FRMPD2: variants seen among roughly 807,000 people sequenced by gnomAD.
The protein encoded by FRMPD2 is FERM and PDZ domain-containing protein 2.
FRMPD2 carries 96 observed loss-of-function variants against 140.1 expected under a neutral mutation model. The observed-to-expected ratio is 0.69, with a 90% CI of 0.58 to 0.81. FRMPD2 has a LOEUF of 0.81. Among genes scored for constraint, FRMPD2 ranks in the 40% least tolerant of loss-of-function variants. FRMPD2 has a pLI of 0.00. For synonymous variants in FRMPD2, 449 were observed against 547.6 expected (o/e 0.82, Z 2.52); for missense variants, 1,240 against 1,447.4 (o/e 0.86, Z 2.32).
chr10:48,190,965 T>C (rs1282987973), intron 16 of FRMPD2, among the ~76,000 whole-genome samples: 1 of 152,206 alleles, frequency 6.6e-6, no homozygotes, highest in Non-Finnish European at 1.5e-5. Flanking sequence ...GTACCATTAG[T>C]TGGGTGACAA....
intron 14 of FRMPD2, 109 bp downstream of exon 14, chr10:48,206,639 T>A: frequency 1.3e-6 from 1 of 782,986 alleles, no homozygotes. Context: ...GCTGTGAGAA[T>A]GTTTGGTCAG....
At chr10:48,233,356 C>A (rs968158750) in intron 9 of FRMPD2, among the ~76,000 whole-genome samples, 1 of 152,196 alleles carries the variant, frequency 6.6e-6, no homozygotes, top group African/African-American at 2.4e-5. Flanking sequence ...ACCTGAGTCA[C>A]CTGAGAGGTG....
chr10:48,185,402 A>AG (rs1838657185), intron 18 of FRMPD2, 151 bp downstream of exon 18: 2 of 620,184 alleles, frequency 3.2e-6, no homozygotes, highest in Non-Finnish European at 5.8e-6. Flanking sequence ...AATTAAAGGG[A>AG]GAAAAAAAAC....
chr10:48,257,545 G>T (rs752655412), intron 1 of FRMPD2, among the ~76,000 whole-genome samples: 4 of 152,164 alleles, frequency 2.6e-5, no homozygotes, highest in Admixed American at 6.5e-5. Context: ...CTCACAAAGT[G>T]CTGGGATTGC....
chr10:48,239,050 C>T (rs1284705828), intron 7 of FRMPD2, among the ~76,000 whole-genome samples: 1 of 152,168 alleles, frequency 6.6e-6, no homozygotes, highest in Non-Finnish European at 1.5e-5. Context: ...GTCAGTTCTG[C>T]CATTGTCACG....
chr10:48,266,471 T>C (rs1235164517), intron 1 of FRMPD2, among the ~76,000 whole-genome samples: 1 of 152,160 alleles, frequency 6.6e-6, no homozygotes, highest in South Asian at 2.1e-4. Context: ...ATCAAGACAA[T>C]GTGATGTTGG....
chr10:48,249,692 C>A (rs1452940603), intron 2 of FRMPD2, among the ~76,000 whole-genome samples: 1 of 152,212 alleles, frequency 6.6e-6, no homozygotes, highest in Non-Finnish European at 1.5e-5. Context: ...CTGAAGCCCC[C>A]AAGCACGTGT....
intron 4 of FRMPD2, among the ~76,000 whole-genome samples, 176 bp from the exon 5 acceptor site, chr10:48,242,528 G>A (rs745306007): frequency 3.3e-5 from 5 of 152,244 alleles, no homozygotes; most frequent in Non-Finnish European, 5.9e-5. Flanking sequence ...CACTGAGGCC[G>A]CAAAGTGCGG....
intron 1 of FRMPD2, among the ~76,000 whole-genome samples, chr10:48,266,421 A>G (rs1160584737): frequency 6.6e-6 from 1 of 152,260 alleles, no homozygotes; most frequent in Non-Finnish European, 1.5e-5. Context: ...GCATTCTTCA[A>G]TTTAAAAAAG....
intron 16 of FRMPD2, 32 bp from the exon 17 acceptor site, chr10:48,187,324 G>A (rs749145772): frequency 1.9e-5 from 30 of 1,593,780 alleles, no homozygotes. Context: ...GTTAGATAAG[G>A]TGGCCCACGG....
intron 12 of FRMPD2, among the ~76,000 whole-genome samples, chr10:48,221,258 A>G (rs1019521741): frequency 6.6e-6 from 1 of 152,228 alleles, no homozygotes; most frequent in Admixed American, 6.5e-5. Flanking sequence ...CTCATTCCAT[A>G]AAAAGGAATG....
chr10:48,224,509 C>G (rs1839679604), intron 10 of FRMPD2, among the ~76,000 whole-genome samples: 1 of 152,196 alleles, frequency 6.6e-6, no homozygotes, highest in African/African-American at 2.4e-5. Context: ...ACTCAGACCT[C>G]CATCCCCTCT....
chr10:48,184,303 A>AT (rs901503729), intron 20 of FRMPD2, among the ~76,000 whole-genome samples: 3 of 152,192 alleles, frequency 2.0e-5, no homozygotes, highest in African/African-American at 7.2e-5. Context: ...AGAAAAAAAA[A>AT]GACTGGTTGT....
At chr10:48,195,891 C>T (rs532397228) in intron 15 of FRMPD2, among the ~76,000 whole-genome samples, 1 of 152,356 alleles carries the variant, frequency 6.6e-6, no homozygotes, top group South Asian at 2.1e-4. Flanking sequence ...TGACTGCAGG[C>T]AGGCATATCC....
intron 3 of FRMPD2, 83 bp from the exon 4 acceptor site, chr10:48,244,932 C>T: frequency 9.7e-7 from 1 of 1,032,926 alleles, no homozygotes; most frequent in Middle Eastern, 2.0e-4. Flanking sequence ...ATCCAATTTC[C>T]ACATGAACAG....
At chr10:48,211,414 T>A (rs1225018632) in intron 13 of FRMPD2, among the ~76,000 whole-genome samples, 1 of 152,222 alleles carries the variant, frequency 6.6e-6, no homozygotes, top group Non-Finnish European at 1.5e-5. Context: ...AGCGCTGATC[T>A]TGTACTTCTG....
At chr10:48,238,437 T>C (rs1272027075) in intron 7 of FRMPD2, among the ~76,000 whole-genome samples, 1 of 152,210 alleles carries the variant, frequency 6.6e-6, no homozygotes, top group Non-Finnish European at 1.5e-5. Flanking sequence ...CAGCAGGTCA[T>C]GGGACTGCAG....
Position 48,172,916 on chromosome 10 carries a change from A to G in FRMPD2, c.3223+30T>C. ...AAAAGCGGCACACAATAACATGACAATAGTAACACTCAATTCTCTCCCCTC... is the reference window on the plus strand; with the variant it reads ...AAAAGCGGCACACAATAACATGACAGTAGTAACACTCAATTCTCTCCCCTC... On this transcript the variant is annotated intron_variant, in intron 25 of 28. Coordinates refer to ENST00000374201, the MANE Select transcript of FRMPD2 (RefSeq NM_001018071.4). 6 of 1,037,266 alleles carry G rather than the reference A, an allele frequency of 5.8e-6. 1 individual carries two copies. The highest frequency in any genetic ancestry group is 8.9e-6 in the Non-Finnish European group (6 of 674,912). The allele number at this position is 1,037,266 out of a possible 1,614,324, so 64.3% of individuals were successfully genotyped here.
At chr10:48,221,665 T>C (rs866044465) in intron 12 of FRMPD2, among the ~76,000 whole-genome samples, 26 of 152,352 alleles carry the variant, frequency 1.7e-4, no homozygotes, top group African/African-American at 5.5e-4. Flanking sequence ...ATGATAGGAA[T>C]TCAATAAATT....
Sources: gnomAD v4.1 joint callset for allele counts (sites outside exome capture counted in the v4.1 genomes callset) on GRCh38, gnomAD v4.1.1 for gene constraint, MANE v1.5 for transcripts, NCBI Gene and HGNC (gene_info 2026-07-23, HGNC 2026-07-21) for gene names.